CREB5: variants seen among roughly 807,000 people sequenced by gnomAD.
The protein encoded by CREB5 is cAMP responsive element binding protein 5.
In CREB5, 19 loss-of-function variants were observed where a neutral mutation model predicts 57.1. The ratio of observed to expected loss-of-function variants is 0.33; its 90% confidence interval spans 0.23 to 0.49. CREB5 has a LOEUF of 0.49. Ranked by LOEUF, CREB5 falls within the 20% of genes least tolerant of loss-of-function variation. CREB5 has a pLI of 0.99. For missense variants in CREB5, 579 were observed against 671.6 expected (o/e 0.86, Z 1.52); for synonymous variants, 238 against 238.3 (o/e 1.00, Z 0.01).
At chr7:28,767,635 C>G (rs908885990) in intron 7 of CREB5, among the ~76,000 whole-genome samples, 1 of 152,116 alleles carries the variant, frequency 6.6e-6, no homozygotes, top group Non-Finnish European at 1.5e-5. Context: ...GGGAGAGAAG[C>G]GACACACTGC....
At chr7:28,478,078 C>T (rs1791156644) in intron 1 of CREB5, among the ~76,000 whole-genome samples, 1 of 152,118 alleles carries the variant, frequency 6.6e-6, no homozygotes, top group Non-Finnish European at 1.5e-5. Flanking sequence ...ATCACTCCAG[C>T]CTGAGTGACA....
chr7:28,329,209 C>T (rs1785668003), intron 1 of CREB5, among the ~76,000 whole-genome samples: 1 of 152,236 alleles, frequency 6.6e-6, no homozygotes. Context: ...ACCATTCTAT[C>T]TCATGGAACC....
intron 5 of CREB5, among the ~76,000 whole-genome samples, chr7:28,575,893 C>T (rs1174126764): frequency 6.6e-6 from 1 of 152,140 alleles, no homozygotes; most frequent in African/African-American, 2.4e-5. Flanking sequence ...CAGCCTTCCA[C>T]TCACGGGGTT....
At chr7:28,687,590 A>C (rs1443389787) in intron 5 of CREB5, among the ~76,000 whole-genome samples, 3 of 150,770 alleles carry the variant, frequency 2.0e-5, no homozygotes. Flanking sequence ...GAGGGCAAAC[A>C]CTTTCTCATT....
intron 7 of CREB5, among the ~76,000 whole-genome samples, chr7:28,762,795 AGT>A (rs1418559537): frequency 6.6e-6 from 1 of 152,010 alleles, no homozygotes; most frequent in Non-Finnish European, 1.5e-5. Flanking sequence ...ACTGAGAGAA[AGT>A]GCATTTCTTT....
At chr7:28,460,750 A>G (rs1229637976) in intron 1 of CREB5, among the ~76,000 whole-genome samples, 1 of 152,138 alleles carries the variant, frequency 6.6e-6, no homozygotes, top group African/African-American at 2.4e-5. Flanking sequence ...TTTGCACGGT[A>G]AATGCTTCGT....
intron 7 of CREB5, among the ~76,000 whole-genome samples, chr7:28,791,387 C>G (rs1046008447): frequency 6.6e-6 from 1 of 152,182 alleles, no homozygotes; most frequent in Non-Finnish European, 1.5e-5. Flanking sequence ...TTCCTTCTTG[C>G]CTTCCCCATC....
Position 28,804,444 on chromosome 7 carries a change from C to A in CREB5, c.948C>A (p.Ser316=), listed in dbSNP as rs1283417300. ...AGCAGAACCATCCACATCACCACTC[C>A]CATTCCCACCTTCATGCACACCCAG... ...HHQQNHPHHH[S]HSHLHAHPAH... The change falls in exon 8 of 11, where the codon TCC becomes TCA. Residue 316 remains serine (S), a synonymous_variant. Transcript: ENST00000357727. The A allele has an allele frequency of 6.2e-7, 1 of 1,614,164 alleles. No individual in the cohort carries two copies. The highest frequency in any genetic ancestry group is 1.7e-5 in the Admixed American group (1 of 60,018).
intron 1 of CREB5, among the ~76,000 whole-genome samples, chr7:28,302,388 T>C (rs953846581): frequency 1.3e-5 from 2 of 152,194 alleles, no homozygotes; most frequent in Admixed American, 1.3e-4. Flanking sequence ...TTCACACATG[T>C]TAAAGCTGAA....
At chr7:28,483,635 G>A (rs751581226) in intron 1 of CREB5, among the ~76,000 whole-genome samples, 1 of 152,140 alleles carries the variant, frequency 6.6e-6, no homozygotes, top group Admixed American at 6.5e-5. Context: ...AAAGGTATCG[G>A]ACTACTCAGA....
At chr7:28,304,562 C>A (rs542157128) in intron 1 of CREB5, among the ~76,000 whole-genome samples, 1 of 152,076 alleles carries the variant, frequency 6.6e-6, no homozygotes, top group Non-Finnish European at 1.5e-5. Flanking sequence ...TTATGGAGAA[C>A]CACAAACTTG....
intron 1 of CREB5, among the ~76,000 whole-genome samples, chr7:28,403,670 A>C (rs6955105): frequency 1.4e-4 from 22 of 152,032 alleles, no homozygotes; most frequent in Non-Finnish European, 2.9e-4. Context: ...GCATGTGAGC[A>C]TGGAGCTGGG....
intron 9 of CREB5, among the ~76,000 whole-genome samples, chr7:28,817,386 G>A (rs1405362705): frequency 2.0e-5 from 3 of 152,162 alleles, no homozygotes; most frequent in African/African-American, 4.8e-5. Context: ...ATGGTGGGGA[G>A]AGCAGGGATT....
chr7:28,775,542 C>CTATATATATATATATATATA (rs1806570052), intron 7 of CREB5, among the ~76,000 whole-genome samples: 1 of 54,826 alleles, frequency 1.8e-5, no homozygotes, highest in Non-Finnish European at 4.2e-5. Flanking sequence ...TATTCCTTAG[C>CTATATATATATATATATATA]CATATATATA....
chr7:28,372,254 G>A (rs537475012), intron 1 of CREB5, among the ~76,000 whole-genome samples: 13 of 152,318 alleles, frequency 8.5e-5, no homozygotes, highest in East Asian at 1.9e-4. Context: ...AATGCAGCAA[G>A]TAATATAAAA....
At chr7:28,461,081 G>C (rs996769003) in intron 1 of CREB5, among the ~76,000 whole-genome samples, 3 of 150,300 alleles carry the variant, frequency 2.0e-5, no homozygotes, top group Non-Finnish European at 3.0e-5. Flanking sequence ...AAACTTATCA[G>C]GTTTGGTGGT....
chr7:28,685,665 CTT>C (rs548208912), intron 5 of CREB5, among the ~76,000 whole-genome samples: 190 of 130,876 alleles, frequency 1.5e-3, no homozygotes, highest in African/African-American at 3.7e-3. Context: ...ACAGGGCACT[CTT>C]TTTTTTTTTT....
chr7:28,477,743 A>C (rs189745547), intron 1 of CREB5, among the ~76,000 whole-genome samples: 16 of 152,220 alleles, frequency 1.1e-4, no homozygotes, highest in Admixed American at 5.9e-4. Flanking sequence ...TTAGTGAGTG[A>C]TTCTTTGTTT....
chr7:28,370,261 G>A (rs1786680754), intron 1 of CREB5, among the ~76,000 whole-genome samples: 1 of 152,192 alleles, frequency 6.6e-6, no homozygotes, highest in Admixed American at 6.5e-5. Context: ...GTATCCTGAA[G>A]CCAGGCCTCT....
Sources: allele counts gnomAD v4.1 joint callset (sites outside exome capture counted in the v4.1 genomes callset), GRCh38; gene constraint gnomAD v4.1.1; transcripts MANE v1.5; gene names NCBI Gene and HGNC (gene_info 2026-07-23, HGNC 2026-07-21).